Variants in MGLL observed in about 807,000 individuals in gnomAD.
MGLL encodes lysophospholipase homolog.
A neutral mutation model predicts 29.1 loss-of-function variants in MGLL; 7 were observed. The ratio of observed to expected loss-of-function variants is 0.24; its 90% CI spans 0.14 to 0.45. The LOEUF (loss-of-function observed/expected upper bound fraction) is 0.45. Among genes scored for constraint, MGLL ranks in the 20% least tolerant of loss-of-function variants. The probability of loss-of-function intolerance (pLI) is 0.99; values close to 1 mark genes in which losing one functional copy is unlikely to be tolerated. For synonymous variants in MGLL, 148 were observed against 168.3 expected (o/e 0.88, Z 0.93); for missense variants, 356 against 413.6 (o/e 0.86, Z 1.21).
intron 3 of MGLL, among the ~76,000 whole-genome samples, chr3:127,780,108 AT>A (rs1184411968): frequency 6.6e-6 from 1 of 152,242 alleles, no homozygotes; most frequent in African/African-American, 2.4e-5. Flanking sequence ...TTCTGGAAAC[AT>A]CAAAAGGTGG....
chr3:127,754,834 G>A (rs544614646), intron 3 of MGLL, among the ~76,000 whole-genome samples: 6 of 152,336 alleles, frequency 3.9e-5, no homozygotes, highest in East Asian at 1.9e-4. Flanking sequence ...AGAGGGGCGC[G>A]TGGGGTGTGC....
In MGLL at chr3:127,761,055, C is replaced by T. The variant is rs1042146093; in HGVS notation, c.262+20734G>A. On this transcript the variant is annotated intron_variant, in intron 3 of 7. Coordinates refer to ENST00000265052, the MANE Select transcript of MGLL (RefSeq NM_007283.7). The surrounding 1 kb of genome is among the most constrained non-coding windows in gnomAD (Gnocchi z 4.6). ...CAGGATTCACAAGTGTGAACTTGAG[C>T]GTATCCAAAGAAACCATCATTTCTG... Among the ~76,000 whole-genome samples, 22 of 152,342 alleles carry T rather than the reference C, an allele frequency of 1.4e-4. 1 individual carries two copies. Among genetic ancestry groups the T allele is most frequent in the African/African-American group, 4.3e-4 (18 of 41,578 alleles).
intron 3 of MGLL, 109 bp from the exon 4 acceptor site, chr3:127,722,675 GTCACC>G (rs2075953297): frequency 6.9e-7 from 1 of 1,455,408 alleles, no homozygotes; most frequent in Non-Finnish European, 9.5e-7. Context: ...GCCTGAATGT[GTCACC>G]TCATTTAACC....
intron 3 of MGLL, among the ~76,000 whole-genome samples, chr3:127,726,188 A>G (rs1396230473): frequency 2.0e-5 from 1 of 50,040 alleles, no homozygotes; most frequent in Non-Finnish European, 4.9e-5. Flanking sequence ...AAGAAAGAAA[A>G]GAAAAGAAAG....
chr3:127,748,505 C>T (rs2107665819), intron 3 of MGLL, among the ~76,000 whole-genome samples: 1 of 151,790 alleles, frequency 6.6e-6, no homozygotes, highest in South Asian at 2.1e-4. Context: ...CAGGCTGAAG[C>T]CCTAACCTCT....
intron 3 of MGLL, among the ~76,000 whole-genome samples, chr3:127,726,185 A>AAAGAAAG (rs61500053): frequency 0.018 from 1,168 of 66,484 alleles, 15 homozygotes; most frequent in Admixed American, 0.033. Flanking sequence ...AGAAAGAAAG[A>AAAGAAAG]AAAGAAAAGA....
intron 3 of MGLL, among the ~76,000 whole-genome samples, chr3:127,781,055 A>G (rs147273696): frequency 3.3e-4 from 50 of 152,312 alleles, no homozygotes; most frequent in Admixed American, 2.9e-3. Context: ...ACAAAGAATC[A>G]AAGACCTGGC....
chr3:127,719,227 G>A (rs1675713368), intron 5 of MGLL, among the ~76,000 whole-genome samples: 1 of 152,216 alleles, frequency 6.6e-6, no homozygotes, highest in African/African-American at 2.4e-5. Flanking sequence ...AACCCTTGTT[G>A]GTCCCACCTC....
intron 2 of MGLL, among the ~76,000 whole-genome samples, chr3:127,799,965 A>G (rs2077448146): frequency 6.6e-6 from 1 of 152,242 alleles, no homozygotes; most frequent in Non-Finnish European, 1.5e-5. Context: ...GCCCAGATAG[A>G]GACCATATTT....
chr3:127,815,609 C>T (rs1272399780), intron 2 of MGLL, among the ~76,000 whole-genome samples: 1 of 152,194 alleles, frequency 6.6e-6, no homozygotes, highest in African/African-American at 2.4e-5. Flanking sequence ...TTGGCTCATG[C>T]TTTTGTGTTT....
chr3:127,693,488 C>T (rs988276294), intron 7 of MGLL, among the ~76,000 whole-genome samples: 1 of 152,242 alleles, frequency 6.6e-6, no homozygotes, highest in Non-Finnish European at 1.5e-5. Flanking sequence ...CTGGTGCATC[C>T]TCACTGGCTG....
intron 2 of MGLL, among the ~76,000 whole-genome samples, chr3:127,805,133 T>C (rs548826285): frequency 6.6e-6 from 1 of 152,252 alleles, no homozygotes. Flanking sequence ...TTTCCTGATC[T>C]TCTATAAGAA....
Position 127,692,055 on chromosome 3 carries a change from T to A in MGLL, c.*143A>T, listed in dbSNP as rs2075255828. 1.7e-6 allele frequency: 2 copies of A among 1,200,582 alleles called. No individual in the cohort carries two copies. Among genetic ancestry groups the A allele is most frequent in the Non-Finnish European group, 2.3e-6 (2 of 867,176 alleles). The allele number at this position is 1,200,582 out of a possible 1,614,324, so 74.4% of individuals were successfully genotyped here. ...TAATGTATAACAAAAATGTCTGTTA[T>A]TTTTTAGAAAATTGTGCTAAGGATT... On this transcript the variant is annotated 3_prime_UTR_variant, in exon 8 of 8. Transcript: ENST00000265052.
intron 2 of MGLL, among the ~76,000 whole-genome samples, chr3:127,804,508 T>C (rs990358521): frequency 7.2e-5 from 11 of 152,184 alleles, no homozygotes; most frequent in African/African-American, 2.7e-4. Context: ...AGTTTCCCCA[T>C]GGTAGAGCCC....
intron 3 of MGLL, among the ~76,000 whole-genome samples, chr3:127,738,129 A>G (rs553687955): frequency 6.6e-6 from 1 of 151,972 alleles, no homozygotes; most frequent in African/African-American, 2.4e-5. Context: ...GTGAAACCCC[A>G]CCTGTACAAA....
chr3:127,721,530 T>TTTTTG (rs2075924791), intron 4 of MGLL, among the ~76,000 whole-genome samples: 1 of 145,288 alleles, frequency 6.9e-6, no homozygotes, highest in Admixed American at 6.9e-5. Context: ...TTTTTTTTTT[T>TTTTTG]GGTGGGGGGT....
chr3:127,744,441 T>C (rs1226869006), intron 3 of MGLL, among the ~76,000 whole-genome samples: 4 of 152,198 alleles, frequency 2.6e-5, no homozygotes, highest in Admixed American at 2.6e-4. Flanking sequence ...CAGTGGCCAT[T>C]CTCCTGTTGA....
chr3:127,788,853 C>T (rs2077257547), intron 2 of MGLL, among the ~76,000 whole-genome samples: 1 of 152,226 alleles, frequency 6.6e-6, no homozygotes, highest in African/African-American at 2.4e-5. Flanking sequence ...GGCACTGCCT[C>T]TGCTCCATGA....
chr3:127,707,340 C>T (rs776603749), intron 6 of MGLL, among the ~76,000 whole-genome samples: 1 of 152,238 alleles, frequency 6.6e-6, no homozygotes, highest in Admixed American at 6.5e-5. Flanking sequence ...GCTGAACAAC[C>T]TCTCCTCCTC....
Sources: allele counts gnomAD v4.1 joint callset (sites outside exome capture counted in the v4.1 genomes callset), GRCh38; gene constraint gnomAD v4.1.1; non-coding constraint Gnocchi (gnomAD v3.1); transcripts MANE v1.5; gene names NCBI Gene and HGNC (gene_info 2026-07-23, HGNC 2026-07-21).